ENTREP2: variants seen among roughly 807,000 people sequenced by gnomAD.
ENTREP2 encodes the protein endosomal transmembrane epsin interactor 2, also known as protein ENTREP2.
the ENTREP2 span, among the ~76,000 whole-genome samples, chr15:29,315,745 A>G: frequency 1.3e-5 from 2 of 152,232 alleles, no homozygotes; most frequent in African/African-American, 2.4e-5. Context: ...TTACATATGA[A>G]TACTACCAGA....
At chr15:29,636,040 A>G in the ENTREP2 span, among the ~76,000 whole-genome samples, 1 of 152,200 alleles carries the variant, frequency 6.6e-6, no homozygotes, top group Non-Finnish European at 1.5e-5. Flanking sequence ...ATACAGACAC[A>G]GAAAAAGAGG....
At chr15:29,159,891 G>A in the ENTREP2 span, among the ~76,000 whole-genome samples, 2 of 152,264 alleles carry the variant, frequency 1.3e-5, no homozygotes, top group Non-Finnish European at 2.9e-5. Context: ...CCCGCAGGTG[G>A]AGCTGCCTGC....
the ENTREP2 span, among the ~76,000 whole-genome samples, chr15:29,491,758 T>G: frequency 6.6e-6 from 1 of 152,162 alleles, no homozygotes; most frequent in Non-Finnish European, 1.5e-5. Context: ...TAGGGGAAAT[T>G]ATTTACCTTT....
the ENTREP2 span, among the ~76,000 whole-genome samples, chr15:29,451,382 C>A: frequency 2.0e-5 from 3 of 152,186 alleles, no homozygotes; most frequent in Admixed American, 2.0e-4. Context: ...CAGGACCAGG[C>A]CAGCAGGTGG....
chr15:29,404,597 G>C, the ENTREP2 span, among the ~76,000 whole-genome samples: 1 of 151,610 alleles, frequency 6.6e-6, no homozygotes. Flanking sequence ...TCGTTAGTAA[G>C]GGCTCCCTCG....
At chr15:29,641,459 G>C in the ENTREP2 span, among the ~76,000 whole-genome samples, 1 of 152,152 alleles carries the variant, frequency 6.6e-6, no homozygotes, top group Non-Finnish European at 1.5e-5. Flanking sequence ...AATGAGTTCA[G>C]CCAAGTTTCA....
the ENTREP2 span, chr15:29,136,911 C>T: frequency 1.1e-6 from 1 of 873,874 alleles, no homozygotes; most frequent in Non-Finnish European, 1.6e-6. Context: ...CTAAGACCCT[C>T]TCCTTCCACT....
the ENTREP2 span, among the ~76,000 whole-genome samples, chr15:29,249,048 G>A: frequency 1.8e-4 from 27 of 152,330 alleles, no homozygotes; most frequent in African/African-American, 5.3e-4. Context: ...CAGGCCGGGC[G>A]TGGTGGCTCA....
chr15:29,519,161 A>T, the ENTREP2 span, among the ~76,000 whole-genome samples: 57,636 of 145,916 alleles, frequency 0.39, 10,959 homozygotes, highest in African/African-American at 0.48. Context: ...TCTCTCTCTC[A>T]CACACACACA....
At chr15:29,548,496 G>T in the ENTREP2 span, among the ~76,000 whole-genome samples, 1 of 149,788 alleles carries the variant, frequency 6.7e-6, no homozygotes, top group African/African-American at 2.5e-5. Context: ...TATGTTACGT[G>T]TATTTTACCA....
At chr15:29,598,843 C>A in the ENTREP2 span, among the ~76,000 whole-genome samples, 1 of 152,142 alleles carries the variant, frequency 6.6e-6, no homozygotes, top group African/African-American at 2.4e-5. Context: ...ACTACAGGCG[C>A]CCGCCACCGC....
At chr15:29,129,676 T>G in the ENTREP2 span, among the ~76,000 whole-genome samples, 2 of 152,080 alleles carry the variant, frequency 1.3e-5, no homozygotes, top group South Asian at 2.1e-4. Flanking sequence ...GGATATACTC[T>G]GATTCCGCCT....
the ENTREP2 span, among the ~76,000 whole-genome samples, chr15:29,207,455 C>CGGGGGGGTGGGGGGG: frequency 8.1e-6 from 1 of 123,088 alleles, no homozygotes. Flanking sequence ...GGTTGGGGGG[C>CGGGGGGGTGGGGGGG]GGGGGGGGTG....
At chr15:29,645,877 A>T in the ENTREP2 span, among the ~76,000 whole-genome samples, 24 of 152,098 alleles carry the variant, frequency 1.6e-4, no homozygotes, top group Admixed American at 3.3e-4. Flanking sequence ...CATATTTCTG[A>T]AAGACATAAT....
the ENTREP2 span, among the ~76,000 whole-genome samples, chr15:29,160,036 A>C: frequency 6.6e-6 from 1 of 152,214 alleles, no homozygotes; most frequent in East Asian, 1.9e-4. Context: ...AGGCTCAGGC[A>C]TGGTAGGCTG....
At chr15:29,383,027 G>A in the ENTREP2 span, among the ~76,000 whole-genome samples, 1 of 151,858 alleles carries the variant, frequency 6.6e-6, no homozygotes, top group Admixed American at 6.6e-5. Flanking sequence ...CCCAGGGGCC[G>A]CTCTCCTCCA....
At chr15:29,198,542 T>G in the ENTREP2 span, among the ~76,000 whole-genome samples, 2 of 152,228 alleles carry the variant, frequency 1.3e-5, no homozygotes, top group East Asian at 3.8e-4. Flanking sequence ...AATTTGGGGG[T>G]GGGTGGGTTT....
the ENTREP2 span, chr15:29,123,518 C>G: frequency 6.4e-7 from 1 of 1,551,764 alleles, no homozygotes; most frequent in South Asian, 1.2e-5. Flanking sequence ...TTGCTGTCCA[C>G]TAAAGAGCGT....
the ENTREP2 span, among the ~76,000 whole-genome samples, chr15:29,492,419 A>AT: frequency 6.6e-6 from 1 of 152,186 alleles, no homozygotes; most frequent in East Asian, 1.9e-4. Context: ...ATATCATGTG[A>AT]TTTCCATGTG....
Sources: allele counts gnomAD v4.1 joint callset (sites outside exome capture counted in the v4.1 genomes callset), GRCh38; gene constraint gnomAD v4.1.1; transcripts MANE v1.5; gene names NCBI Gene and HGNC (gene_info 2026-07-23, HGNC 2026-07-21).